LRMDA: variants seen among roughly 807,000 people sequenced by gnomAD.
The protein encoded by LRMDA is leucine rich melanocyte differentiation associated.
In LRMDA, 18 loss-of-function variants were observed where a neutral mutation model predicts 29.8. The ratio of observed to expected loss-of-function variants is 0.60; its 90% CI spans 0.42 to 0.90. The LOEUF (loss-of-function observed/expected upper bound fraction) is 0.90, where lower values mean the gene tolerates loss of function less well. Among genes scored for constraint, LRMDA ranks in the 40% least tolerant of loss-of-function variants. The pLI, the probability that LRMDA is intolerant of heterozygous loss-of-function variation, is 0.00. For missense variants in LRMDA, 273 were observed against 273.9 expected (o/e 1.00, Z 0.02); for synonymous variants, 125 against 109.4 (o/e 1.14, Z -0.89).
At chr10:76,393,824 A>G (rs1429450410) in intron 6 of LRMDA, among the ~76,000 whole-genome samples, 2 of 151,892 alleles carry the variant, frequency 1.3e-5, no homozygotes, top group South Asian at 2.1e-4. Context: ...ATCCACTTTG[A>G]GTTGATTTTA....
chr10:75,969,192 CCA>C (rs1462870353), intron 2 of LRMDA, among the ~76,000 whole-genome samples: 2 of 152,092 alleles, frequency 1.3e-5, no homozygotes, highest in Admixed American at 6.6e-5. Flanking sequence ...GGGGAAAATC[CCA>C]CAAAGACACT....
intron 2 of LRMDA, among the ~76,000 whole-genome samples, chr10:75,827,447 T>A (rs574068147): frequency 6.6e-6 from 1 of 152,334 alleles, no homozygotes; most frequent in East Asian, 1.9e-4. Flanking sequence ...TATTTTCTTC[T>A]TGCTTGTGAT....
intron 2 of LRMDA, among the ~76,000 whole-genome samples, chr10:75,703,143 G>A (rs1417077038): frequency 1.3e-5 from 2 of 152,084 alleles, no homozygotes; most frequent in African/African-American, 2.4e-5. Context: ...TATTGTATGG[G>A]ATTTAAATCA....
chr10:76,033,676 G>A (rs1345738571), intron 2 of LRMDA, among the ~76,000 whole-genome samples: 1 of 152,138 alleles, frequency 6.6e-6, no homozygotes, highest in East Asian at 1.9e-4. Flanking sequence ...TGCTGCCTTT[G>A]AGCGGAGTCC....
At chr10:76,289,310 G>A (rs537930130) in intron 5 of LRMDA, among the ~76,000 whole-genome samples, 82 of 152,306 alleles carry the variant, frequency 5.4e-4, no homozygotes, top group Admixed American at 3.3e-3. Flanking sequence ...AAAATAGACA[G>A]TCTCTTTTTG....
chr10:75,467,674 C>A (rs78996857), intron 2 of LRMDA, among the ~76,000 whole-genome samples: 3 of 151,982 alleles, frequency 2.0e-5, no homozygotes, highest in African/African-American at 7.3e-5. Context: ...ATCAAGATCG[C>A]AAAGTTGGGC....
chr10:76,330,460 A>G (rs1417100475), intron 6 of LRMDA, among the ~76,000 whole-genome samples: 1 of 152,132 alleles, frequency 6.6e-6, no homozygotes, highest in African/African-American at 2.4e-5. Flanking sequence ...TGGTTATAGG[A>G]CAGAACCCTC....
intron 5 of LRMDA, among the ~76,000 whole-genome samples, chr10:76,090,805 C>G (rs1849218550): frequency 6.6e-6 from 1 of 152,096 alleles, no homozygotes; most frequent in Admixed American, 6.5e-5. Context: ...TACTTATATT[C>G]AGAGAGACAG....
At chr10:75,579,394 G>T (rs1840556983) in intron 2 of LRMDA, among the ~76,000 whole-genome samples, 1 of 152,176 alleles carries the variant, frequency 6.6e-6, no homozygotes, top group African/African-American at 2.4e-5. Context: ...TCCCTGAATA[G>T]ACCAATAACA....
At chr10:76,337,882 A>T (rs1474590665) in intron 6 of LRMDA, among the ~76,000 whole-genome samples, 1 of 152,130 alleles carries the variant, frequency 6.6e-6, no homozygotes, top group Non-Finnish European at 1.5e-5. Context: ...TTGTTGGTTA[A>T]GCTTAAGTTT....
In LRMDA at chr10:76,248,387, A is replaced by G. The variant is rs146352742; in HGVS notation, c.517-76014A>G. 2.7e-3 allele frequency among the ~76,000 whole-genome samples: 416 copies of G among 152,312 alleles called. 20 individuals carry two copies. In the East Asian group the frequency reaches 0.063, roughly 23 times the overall value. ...GAGTTCCTTAACATATCTAGGCAAT[A>G]CTTCACCAGACTCCAACCCTAGCCT... On this transcript the variant is annotated intron_variant, in intron 5 of 6. Coordinates refer to ENST00000611255, the MANE Select transcript of LRMDA (RefSeq NM_001305581.2).
intron 4 of LRMDA, among the ~76,000 whole-genome samples, chr10:76,054,881 T>C (rs984081917): frequency 9.3e-5 from 14 of 150,902 alleles, no homozygotes; most frequent in African/African-American, 3.4e-4. Context: ...CTGGCCAACA[T>C]GGTGAAACGC....
chr10:75,513,809 G>A (rs1030196652), intron 2 of LRMDA, among the ~76,000 whole-genome samples: 1 of 152,054 alleles, frequency 6.6e-6, no homozygotes. Flanking sequence ...GGGTAATCCA[G>A]GACACTCTCC....
At chr10:75,515,072 A>G (rs1293175266) in intron 2 of LRMDA, among the ~76,000 whole-genome samples, 1 of 152,246 alleles carries the variant, frequency 6.6e-6, no homozygotes, top group African/African-American at 2.4e-5. Flanking sequence ...GTGTTGATAC[A>G]TGCTACAGTG....
At chr10:76,350,440 A>AT (rs750864656) in intron 6 of LRMDA, among the ~76,000 whole-genome samples, 3,476 of 142,844 alleles carry the variant, frequency 0.024, 133 homozygotes, top group African/African-American at 0.078. Context: ...ATGGGGACCG[A>AT]TTTTTTTTTT....
intron 2 of LRMDA, among the ~76,000 whole-genome samples, chr10:75,916,580 C>A (rs1264230358): frequency 6.6e-6 from 1 of 152,186 alleles, no homozygotes; most frequent in African/African-American, 2.4e-5. Flanking sequence ...CTGGCACATA[C>A]CCTCTGCTCT....
intron 2 of LRMDA, among the ~76,000 whole-genome samples, chr10:75,899,363 T>C (rs1845633876): frequency 6.6e-6 from 1 of 152,240 alleles, no homozygotes; most frequent in Non-Finnish European, 1.5e-5. Context: ...ATGAATCATT[T>C]CTATGAAATG....
chr10:76,270,234 C>T (rs11597627), intron 5 of LRMDA: 51,432 of 152,100 alleles, frequency 0.34, 9,733 homozygotes, highest in South Asian at 0.5. Context: ...ATGAGAGCAA[C>T]GCAATGGAAA....
intron 6 of LRMDA, among the ~76,000 whole-genome samples, chr10:76,549,557 T>G (rs928169644): frequency 6.6e-6 from 1 of 152,184 alleles, no homozygotes; most frequent in Admixed American, 6.5e-5. Flanking sequence ...CACTCTAATA[T>G]TTTGTCTGGC....
Sources: allele counts gnomAD v4.1 joint callset (sites outside exome capture counted in the v4.1 genomes callset), GRCh38; gene constraint gnomAD v4.1.1; transcripts MANE v1.5; gene names NCBI Gene and HGNC (gene_info 2026-07-23, HGNC 2026-07-21).